Variants in ARHGAP8 observed in about 807,000 individuals in gnomAD.
The protein encoded by ARHGAP8 is rho GTPase-activating protein 8.
ARHGAP8 carries 62 observed loss-of-function variants against 46.1 expected under a neutral mutation model. The ratio of observed to expected loss-of-function variants is 1.34; its 90% CI spans 1.10 to 1.66. ARHGAP8 has a LOEUF of 1.66. Ranked by LOEUF, ARHGAP8 falls within the 40% of genes most tolerant of loss-of-function variation. The pLI, the probability that ARHGAP8 is intolerant of heterozygous loss-of-function variation, is 0.00. For missense variants in ARHGAP8, 923 were observed against 568.4 expected (o/e 1.62, Z -6.34); for synonymous variants, 375 against 243.1 (o/e 1.54, Z -5.05).
At chr22:44,854,352 T>C (rs1298265939) in intron 10 of ARHGAP8, among the ~76,000 whole-genome samples, 1 of 150,428 alleles carries the variant, frequency 6.6e-6, no homozygotes, top group African/African-American at 2.4e-5. Flanking sequence ...TCCATCTGCC[T>C]CAGCCTCCGG....
chr22:44,816,069 C>T (rs1222042557), intron 5 of ARHGAP8, among the ~76,000 whole-genome samples: 1 of 152,144 alleles, frequency 6.6e-6, no homozygotes, highest in Non-Finnish European at 1.5e-5. Context: ...CAGGGAGGCG[C>T]ATCCCTGGAG....
chr22:44,754,540 G>A (rs927100645), intron 1 of ARHGAP8, among the ~76,000 whole-genome samples: 4 of 152,102 alleles, frequency 2.6e-5, no homozygotes, highest in Non-Finnish European at 1.5e-5. Context: ...ATTTTTAGTA[G>A]AAGTGGGGTT....
In ARHGAP8 at chr22:44,845,333, A is replaced by C. The variant is rs2069927318; in HGVS notation, c.661A>C (p.Arg221=). 43 of 1,614,004 alleles carry C rather than the reference A, an allele frequency of 2.7e-5. No homozygotes were observed. The highest frequency in any genetic ancestry group is 3.6e-5 in the Non-Finnish European group (42 of 1,179,978). Reference sequence around the variant, plus strand: ...GCTGAGGTTCACAGTGACGTACCTGAGAGAGAAAGGTGAGACGGGGCCGGC... The same window carrying C: ...GCTGAGGTTCACAGTGACGTACCTGCGAGAGAAAGGTGAGACGGGGCCGGC... ...PVLRFTVTYL[R]EKGLRTEGLF... Residue 221 remains arginine (R), a synonymous_variant, in exon 8 of 12, where the codon AGA becomes CGA. Coordinates refer to ENST00000356099, the MANE Select transcript of ARHGAP8 (RefSeq NM_181335.3).
At chr22:44,859,446 C>A (rs574129037) in intron 10 of ARHGAP8, among the ~76,000 whole-genome samples, 40 of 152,276 alleles carry the variant, frequency 2.6e-4, no homozygotes, top group African/African-American at 9.6e-4. Flanking sequence ...GAGGCTTCTC[C>A]AGAAGCTGAA....
chr22:44,810,396 C>T (rs555009001), intron 4 of ARHGAP8, among the ~76,000 whole-genome samples: 21 of 152,146 alleles, frequency 1.4e-4, no homozygotes, highest in African/African-American at 5.1e-4. Context: ...CGTGAGCCAC[C>T]ATGCCCGGCT....
At chr22:44,816,988 C>T (rs1396963477) in intron 5 of ARHGAP8, among the ~76,000 whole-genome samples, 3 of 150,784 alleles carry the variant, frequency 2.0e-5, no homozygotes, top group Non-Finnish European at 4.4e-5. Context: ...TGGGTTCAAG[C>T]GATTCTCCTG....
At chr22:44,846,019 C>A (rs1163390168) in intron 8 of ARHGAP8, among the ~76,000 whole-genome samples, 1 of 152,104 alleles carries the variant, frequency 6.6e-6, no homozygotes, top group African/African-American at 2.4e-5. Context: ...GTGCCCCCCC[C>A]CATCCCCACC....
chr22:44,812,508 T>C (rs1038638779), intron 4 of ARHGAP8, among the ~76,000 whole-genome samples: 1 of 151,780 alleles, frequency 6.6e-6, no homozygotes, highest in African/African-American at 2.4e-5. Flanking sequence ...AGGTGTGCAC[T>C]ACCACGCCCG....
chr22:44,849,079 G>T lies in ARHGAP8; in HGVS notation c.877+19G>T. Reference sequence around the variant, plus strand: ...ATCACCTGTGCGTAGCTGCCCTGGCGCAGGGGTGGGGGGCTTGGTCCTCAG... The same window carrying T: ...ATCACCTGTGCGTAGCTGCCCTGGCTCAGGGGTGGGGGGCTTGGTCCTCAG... On this transcript the variant is annotated intron_variant, in intron 10 of 11. Coordinates refer to ENST00000356099, the MANE Select transcript of ARHGAP8 (RefSeq NM_181335.3). 1 of 1,613,116 alleles carries T rather than the reference G, an allele frequency of 6.2e-7. No homozygotes were observed. Among genetic ancestry groups the T allele is most frequent in the Non-Finnish European group, 8.5e-7 (1 of 1,179,922 alleles).
chr22:44,848,522 C>T (rs1019423956), intron 9 of ARHGAP8, among the ~76,000 whole-genome samples: 5 of 152,268 alleles, frequency 3.3e-5, no homozygotes, highest in Non-Finnish European at 5.9e-5. Flanking sequence ...CGCTCCCACT[C>T]GCTCCCGTCA....
chr22:44,759,030 T>G (rs1180214341), intron 1 of ARHGAP8, among the ~76,000 whole-genome samples: 2 of 152,168 alleles, frequency 1.3e-5, no homozygotes, highest in Non-Finnish European at 2.9e-5. Context: ...CCCAGCTGCA[T>G]CCACTTCAGG....
chr22:44,822,299 T>C lies in ARHGAP8; in HGVS notation c.387-72T>C, dbSNP rs866320973. 2.2e-5 allele frequency: 29 copies of C among 1,335,262 alleles called. 1 individual carries two copies. The Middle Eastern group carries it at 2.9e-3, about 134-fold the overall frequency. The allele number at this position is 1,335,262 out of a possible 1,614,324, so 82.7% of individuals were successfully genotyped here. ...GCATTGTTCTGCCGCCAACTCCCCC[T>C]CCCTCCCTGCAACCCTCGGCCTCTC... On this transcript the variant is annotated intron_variant, in intron 5 of 11. Transcript: ENST00000356099.
intron 11 of ARHGAP8, among the ~76,000 whole-genome samples, chr22:44,861,781 C>G (rs184832761): frequency 6.6e-6 from 1 of 152,140 alleles, no homozygotes; most frequent in Non-Finnish European, 1.5e-5. Context: ...ATGACTCCCC[C>G]GTGCTGGGGT....
intron 10 of ARHGAP8, among the ~76,000 whole-genome samples, chr22:44,856,813 C>T (rs1349625892): frequency 1.4e-5 from 2 of 144,834 alleles, no homozygotes; most frequent in Non-Finnish European, 3.0e-5. Flanking sequence ...AAGTCAAAAC[C>T]AAAGAACCCA....
chr22:44,862,684 C>T lies in ARHGAP8; in HGVS notation c.*89C>T. 2.1e-6 allele frequency: 3 copies of T among 1,433,172 alleles called. No individual in the cohort carries two copies. Among genetic ancestry groups the T allele is most frequent in the Non-Finnish European group, 2.8e-6 (3 of 1,082,306 alleles). 88.8% of individuals were successfully genotyped at this position (1,433,172 alleles called of 1,614,324 possible). A position where few individuals can be genotyped will look rare whatever the true frequency, so the allele number is the denominator to read the frequency against. On this transcript the variant is annotated 3_prime_UTR_variant, in exon 12 of 12. Coordinates refer to ENST00000356099, the MANE Select transcript of ARHGAP8 (RefSeq NM_181335.3). ...GTAAACTTGGCATCTGTAAAAATAA[C>T]CAGCCATTAGATGAATTCAGAACCT...
rs763013867 is a variant in ARHGAP8, at chr22:44,862,254, C to A, written c.982-21C>A. 18 of 1,562,804 alleles carry A rather than the reference C, an allele frequency of 1.2e-5. No homozygotes were observed. The Middle Eastern group carries it at 5.1e-4, about 45-fold the overall frequency. On this transcript the variant is annotated intron_variant, in intron 11 of 11. Coordinates refer to ENST00000356099, the MANE Select transcript of ARHGAP8 (RefSeq NM_181335.3). ...GCCCCTTGGTGTTCACTCCCCTTTA[C>A]TTGTGTGTGGTTTCCTCCAGGTGTC...
intron 10 of ARHGAP8, chr22:44,849,296 G>C (rs1315752583): frequency 1.5e-6 from 1 of 654,122 alleles, no homozygotes; most frequent in Non-Finnish European, 2.5e-6. Flanking sequence ...TGTCCAGGCC[G>C]GTCTCTCAGG....
At chr22:44,788,810 A>G (rs1927463792) in intron 2 of ARHGAP8, among the ~76,000 whole-genome samples, 1 of 152,238 alleles carries the variant, frequency 6.6e-6, no homozygotes, top group Non-Finnish European at 1.5e-5. Flanking sequence ...GAAGTCCTTA[A>G]TAATAACCTT....
chr22:44,861,152 A>T (rs1481761650), intron 11 of ARHGAP8, among the ~76,000 whole-genome samples: 1 of 152,090 alleles, frequency 6.6e-6, no homozygotes, highest in African/African-American at 2.4e-5. Context: ...TTGTTTTTTT[A>T]GTAGAGATGG....
Sources: gnomAD v4.1 joint callset for allele counts (sites outside exome capture counted in the v4.1 genomes callset) on GRCh38, gnomAD v4.1.1 for gene constraint, MANE v1.5 for transcripts, NCBI Gene and HGNC (gene_info 2026-07-23, HGNC 2026-07-21) for gene names.